The following TLL1 variants were observed in gnomAD, a reference collection of about 807,000 sequenced individuals.
The protein encoded by TLL1 is tolloid like 1, also known as tolloid-like protein 1.
TLL1 carries 49 observed loss-of-function variants against 128.2 expected under a neutral mutation model. That is an observed-to-expected ratio of 0.38 (90% confidence interval 0.30 to 0.48). The LOEUF (loss-of-function observed/expected upper bound fraction) is 0.48, where lower values mean the gene tolerates loss of function less well. TLL1 is among the 20% of genes least tolerant of loss of function. The pLI is 0.96. For missense variants in TLL1, 1,123 were observed against 1,242.0 expected, an observed-to-expected ratio of 0.90 and a Z score of 1.44; for synonymous variants, 454 against 418.8, an observed-to-expected ratio of 1.08 and a Z score of -1.03.
intron 8 of TLL1, among the ~76,000 whole-genome samples, chr4:166,021,582 G>A (rs1738236739): frequency 6.6e-6 from 1 of 151,940 alleles, no homozygotes; most frequent in Non-Finnish European, 1.5e-5. Flanking sequence ...ACAGGTGTGT[G>A]CCACCATGCC....
chr4:166,062,701 A>G (rs1290644787), intron 15 of TLL1, among the ~76,000 whole-genome samples: 1 of 152,078 alleles, frequency 6.6e-6, no homozygotes, highest in Non-Finnish European at 1.5e-5. Flanking sequence ...CTAATTGAAT[A>G]CCCTTTATTT....
chr4:166,074,993 T>G lies in TLL1; in HGVS notation c.2304T>G (p.Asp768Glu), dbSNP rs1560854468. ...TTGTGCTACATGACAATAAACATGA[T>G]TGCAAGGAAGGTATGGAACGGAATA... ...NGFVLHDNKH[D>E]CKEAECEQKI... The change falls in exon 17 of 21, where the codon GAT becomes GAG. Residue 768 changes from aspartate (D) to glutamate (E), a missense_variant. Asp to Glu is a conservative substitution (Grantham distance 45, BLOSUM62 2). Transcript: ENST00000061240. 1 of 1,613,522 alleles carries G rather than the reference T, an allele frequency of 6.2e-7. No homozygotes were observed.
At chr4:165,992,773 G>T in intron 2 of TLL1, 31 bp from the exon 3 acceptor site, 1 of 1,593,986 alleles carries the variant, frequency 6.3e-7, no homozygotes, top group South Asian at 1.1e-5. Context: ...AACATATTTT[G>T]AGTTTAACTT....
rs1560830026 is a variant in TLL1 at position 166,042,015 on chromosome 4, T to TA, written c.1262-11dup. 1 of 1,575,948 alleles carries TA rather than the reference T, an allele frequency of 6.3e-7. No individual in the cohort carries two copies. ...ATTTAGGAGTTTCTCTTTATTCTTTTATTTCTTTTAGGTAGATTCTGTGGG... is the reference window on the plus strand; with the variant it reads ...ATTTAGGAGTTTCTCTTTATTCTTTTAATTTCTTTTAGGTAGATTCTGTGGG... On this transcript the variant is annotated splice_polypyrimidine_tract_variant and intron_variant, in intron 10 of 20. Coordinates refer to ENST00000061240, the MANE Select transcript of TLL1 (RefSeq NM_012464.5).
At chr4:165,982,430 T>C (rs1359807398) in intron 1 of TLL1, among the ~76,000 whole-genome samples, 1 of 151,920 alleles carries the variant, frequency 6.6e-6, no homozygotes, top group Admixed American at 6.6e-5. Flanking sequence ...GAAATCAATA[T>C]ATTAAGTCAA....
intron 1 of TLL1, among the ~76,000 whole-genome samples, chr4:165,875,434 A>G (rs973063763): frequency 6.6e-6 from 1 of 152,330 alleles, no homozygotes; most frequent in African/African-American, 2.4e-5. Context: ...AAATGCAGGT[A>G]CTTATTTAAA....
Position 166,087,265 on chromosome 4 carries a change from AG to A in TLL1, c.2443-3862del, listed in dbSNP as rs371641437. Among the ~76,000 whole-genome samples the A allele has an allele frequency of 3.0e-3, 456 of 152,286 alleles. 2 individuals carry two copies. Among genetic ancestry groups the A allele is most frequent in the African/African-American group, 0.011 (440 of 41,570 alleles). ...TTCTGCTATATAACATACAGTTACAAGTTATAGCTTTATATATGGGATATTT... is the reference window on the plus strand; with the variant it reads ...TTCTGCTATATAACATACAGTTACAATTATAGCTTTATATATGGGATATTT... On this transcript the variant is annotated intron_variant, in intron 18 of 20. Coordinates refer to ENST00000061240, the MANE Select transcript of TLL1 (RefSeq NM_012464.5).
chr4:165,944,003 A>C (rs1190999137), intron 1 of TLL1, among the ~76,000 whole-genome samples: 1 of 152,146 alleles, frequency 6.6e-6, no homozygotes, highest in Non-Finnish European at 1.5e-5. Flanking sequence ...TTTGAGAATA[A>C]GCTGTCTTCT....
intron 1 of TLL1, among the ~76,000 whole-genome samples, chr4:165,889,991 T>A (rs943835725): frequency 6.6e-6 from 1 of 152,098 alleles, no homozygotes; most frequent in African/African-American, 2.4e-5. Flanking sequence ...TCACAGTTCA[T>A]TCAGTATGGC....
chr4:165,880,859 A>C (rs918411466), intron 1 of TLL1, among the ~76,000 whole-genome samples: 3 of 152,150 alleles, frequency 2.0e-5, no homozygotes, highest in Admixed American at 1.3e-4. Context: ...CCACAGAGCC[A>C]CCTCTGGTAG....
chr4:166,056,648 T>A (rs1172378216), intron 13 of TLL1, among the ~76,000 whole-genome samples: 1 of 152,146 alleles, frequency 6.6e-6, no homozygotes, highest in African/African-American at 2.4e-5. Flanking sequence ...AATGTAAAAT[T>A]AGCATTGCTG....
At chr4:166,064,264 G>A (rs4493493) in intron 15 of TLL1, among the ~76,000 whole-genome samples, 3,702 of 152,100 alleles carry the variant, frequency 0.024, 146 homozygotes, top group African/African-American at 0.08. Context: ...TTCTGGGATT[G>A]ATGTGAACTT....
intron 18 of TLL1, among the ~76,000 whole-genome samples, chr4:166,088,951 T>C (rs951831089): frequency 6.6e-6 from 1 of 152,160 alleles, no homozygotes; most frequent in African/African-American, 2.4e-5. Context: ...GGACTGAACA[T>C]GTGTGGTCTG....
intron 1 of TLL1, among the ~76,000 whole-genome samples, chr4:165,962,151 G>A (rs1735137468): frequency 6.6e-6 from 1 of 152,026 alleles, no homozygotes. Flanking sequence ...TTATGGAGTG[G>A]GAGAAAATAT....
intron 8 of TLL1, among the ~76,000 whole-genome samples, chr4:166,015,351 C>G (rs1364874707): frequency 6.6e-6 from 1 of 151,930 alleles, no homozygotes; most frequent in Non-Finnish European, 1.5e-5. Flanking sequence ...GTTCTAGATA[C>G]TTAAGGTTGC....
At chr4:166,022,125 T>C (rs2111064205) in intron 8 of TLL1, among the ~76,000 whole-genome samples, 1 of 152,232 alleles carries the variant, frequency 6.6e-6, no homozygotes, top group South Asian at 2.1e-4. Context: ...CTAAGTTGAT[T>C]CAACATCTTT....
chr4:165,907,709 C>T (rs148174429), intron 1 of TLL1, among the ~76,000 whole-genome samples: 351 of 152,018 alleles, frequency 2.3e-3, no homozygotes, highest in African/African-American at 7.9e-3. Flanking sequence ...ACACCACGCC[C>T]GTCTAATTTT....
chr4:166,019,979 G>GTTTCC (rs1738142728), intron 8 of TLL1, among the ~76,000 whole-genome samples: 3 of 152,144 alleles, frequency 2.0e-5, no homozygotes, highest in Admixed American at 2.0e-4. Flanking sequence ...ATGAGGATAT[G>GTTTCC]TTTCCTTCAG....
chr4:165,963,274 C>T (rs899673979), intron 1 of TLL1, among the ~76,000 whole-genome samples: 5 of 151,972 alleles, frequency 3.3e-5, no homozygotes, highest in Admixed American at 1.3e-4. Context: ...ATTCAATATA[C>T]TTTTATAACA....
Sources: allele counts gnomAD v4.1 joint callset (sites outside exome capture counted in the v4.1 genomes callset), GRCh38; gene constraint gnomAD v4.1.1; transcripts MANE v1.5; gene names NCBI Gene and HGNC (gene_info 2026-07-23, HGNC 2026-07-21).